CLEC16A: variants seen among roughly 807,000 people sequenced by gnomAD.
CLEC16A encodes protein CLEC16A.
Under a neutral mutation model 109.5 loss-of-function variants are expected in CLEC16A, and 51 were observed. The observed-to-expected ratio is 0.47, with a 90% CI of 0.37 to 0.59. The LOEUF (loss-of-function observed/expected upper bound fraction) is 0.59, where lower values mean the gene tolerates loss of function less well. CLEC16A is among the 20% of genes least tolerant of loss of function. CLEC16A has a pLI of 0.00. For synonymous variants in CLEC16A, 673 were observed against 564.2 expected (o/e 1.19, Z -2.73); for missense variants, 1,339 against 1,394.0 (o/e 0.96, Z 0.63).
At chr16:11,102,222 T>C (rs2050962140) in intron 19 of CLEC16A, among the ~76,000 whole-genome samples, 1 of 152,214 alleles carries the variant, frequency 6.6e-6, no homozygotes, top group Non-Finnish European at 1.5e-5. Flanking sequence ...GGTGTGGTAT[T>C]GTATTACACA....
chr16:11,062,030 C>T lies in CLEC16A; in HGVS notation c.2116+1008C>T, dbSNP rs575404999. On this transcript the variant is annotated intron_variant, in intron 19 of 23. Coordinates refer to ENST00000409790, the MANE Select transcript of CLEC16A (RefSeq NM_015226.3). ...TTAATTCTCTAAAGTCTGGGGTAGA[C>T]GTGTTATTGGCCTAGCTTGGGGCAC... Among the ~76,000 whole-genome samples the T allele has an allele frequency of 1.2e-4, 19 of 152,218 alleles. No individual in the cohort carries two copies. In the East Asian group the frequency reaches 2.7e-3, roughly 22 times the overall value.
rs1320778710 is a variant in CLEC16A, at chr16:11,174,595, G to A, written c.2807-3740G>A. Among the ~76,000 whole-genome samples, 2 of 152,228 alleles carry A rather than the reference G, an allele frequency of 1.3e-5. No homozygotes were observed. Among genetic ancestry groups the A allele is most frequent in the Admixed American group, 6.5e-5 (1 of 15,282 alleles). On this transcript the variant is annotated intron_variant, in intron 23 of 23. Transcript: ENST00000409790. The surrounding 1 kb of genome is among the most constrained non-coding windows in gnomAD (Gnocchi z 4.7). Reference sequence around the variant, plus strand: ...TGACATGTGCACCAGTGTCAGGCTCGGCCCGGGCCAGAAGCAGATGCTCCT... The same window carrying A: ...TGACATGTGCACCAGTGTCAGGCTCAGCCCGGGCCAGAAGCAGATGCTCCT...
At chr16:10,969,385 C>A in intron 4 of CLEC16A, 76 bp downstream of exon 4, 4 of 1,013,734 alleles carry the variant, frequency 3.9e-6, no homozygotes, top group South Asian at 1.6e-5. Context: ...ACGGCAGCGC[C>A]TTATATCTGG....
intron 22 of CLEC16A, among the ~76,000 whole-genome samples, chr16:11,165,448 C>T (rs2153091418): frequency 6.6e-6 from 1 of 152,156 alleles, no homozygotes; most frequent in East Asian, 1.9e-4. Flanking sequence ...GCTGAGATCA[C>T]ACCGCTGCAC....
Position 10,971,121 on chromosome 16 carries a change from T to A in CLEC16A, c.493-4T>A. On this transcript the variant is annotated splice_region_variant and splice_polypyrimidine_tract_variant and intron_variant, in intron 4 of 23. Coordinates refer to ENST00000409790, the MANE Select transcript of CLEC16A (RefSeq NM_015226.3). ...ATTTGTTTTCGTTATTTCTTTTGTT[T>A]TAGCACACCAATGACTTTGCCCTGT... The A allele has an allele frequency of 6.2e-7, 1 of 1,606,844 alleles. No individual in the cohort carries two copies. The highest frequency in any genetic ancestry group is 8.5e-7 in the Non-Finnish European group (1 of 1,173,600).
At chr16:11,021,951 A>G (rs1366726756) in intron 12 of CLEC16A, among the ~76,000 whole-genome samples, 1 of 152,140 alleles carries the variant, frequency 6.6e-6, no homozygotes, top group Non-Finnish European at 1.5e-5. Context: ...TCCCGCCACC[A>G]AAAAAAGGGT....
chr16:11,107,889 T>C (rs1210451287), intron 19 of CLEC16A, among the ~76,000 whole-genome samples: 1 of 152,230 alleles, frequency 6.6e-6, no homozygotes, highest in African/African-American at 2.4e-5. Flanking sequence ...GGGCTGTTGA[T>C]TGACCCCTCG....
At position 10,971,211 on chromosome 16, in the gene CLEC16A, A is replaced by G. The variant is rs760947013; in HGVS notation, c.579A>G (p.Ile193Met). The change falls in exon 5 of 24, where the codon ATA becomes ATG. Residue 193 changes from isoleucine (I) to methionine (M), a missense_variant. Ile to Met is a conservative substitution (Grantham distance 10). Around this residue, in one of 3 missense-constraint regions of CLEC16A, gnomAD observed 161 missense variants for 267.1 expected, o/e 0.60. Coordinates refer to ENST00000409790, the MANE Select transcript of CLEC16A (RefSeq NM_015226.3). Reference sequence around the variant, plus strand: ...TGGTTAGAATTGCTGTAAGAACCATAACTTTGAATGTCTATAAAGGTAAGT... The same window carrying G: ...TGGTTAGAATTGCTGTAAGAACCATGACTTTGAATGTCTATAAAGGTAAGT... ...ESMVRIAVRT[I>M]TLNVYKVSLD... 1.2e-5 allele frequency: 19 copies of G among 1,612,486 alleles called. No homozygotes were observed. Among genetic ancestry groups the G allele is most frequent in the Non-Finnish European group, 1.4e-5 (17 of 1,178,782 alleles).
intron 22 of CLEC16A, among the ~76,000 whole-genome samples, chr16:11,145,753 A>T (rs2054027294): frequency 1.3e-5 from 2 of 152,068 alleles, no homozygotes; most frequent in South Asian, 2.1e-4. Context: ...GTGGCTTTAA[A>T]CTCAGCCCCA....
At chr16:11,163,913 G>A (rs954644587) in intron 22 of CLEC16A, among the ~76,000 whole-genome samples, 1 of 152,108 alleles carries the variant, frequency 6.6e-6, no homozygotes, top group Non-Finnish European at 1.5e-5. Flanking sequence ...ATTCATTTTC[G>A]AGGCAAGTAA....
chr16:10,969,029 C>T (rs1383844228), intron 3 of CLEC16A, 132 bp from the exon 4 acceptor site: 55 of 655,908 alleles, frequency 8.4e-5, no homozygotes, highest in Admixed American at 2.0e-4. Flanking sequence ...AAGCTCTTCC[C>T]AGTTAGTGTG....
intron 19 of CLEC16A, among the ~76,000 whole-genome samples, chr16:11,072,275 A>G (rs2049118194): frequency 6.6e-6 from 1 of 151,614 alleles, no homozygotes; most frequent in Non-Finnish European, 1.5e-5. Context: ...ACGTGCCACC[A>G]TGCCTGCCTA....
At chr16:11,146,945 G>C (rs900052822) in intron 22 of CLEC16A, among the ~76,000 whole-genome samples, 6 of 151,848 alleles carry the variant, frequency 4.0e-5, no homozygotes, top group African/African-American at 1.4e-4. Flanking sequence ...ACCATGTTTG[G>C]TGCCCTCAGG....
chr16:11,015,396 C>T (rs2045685166), intron 11 of CLEC16A, among the ~76,000 whole-genome samples: 1 of 152,194 alleles, frequency 6.6e-6, no homozygotes, highest in African/African-American at 2.4e-5. Context: ...TTAAGAATCA[C>T]TGCACTTGTG....
intron 10 of CLEC16A, among the ~76,000 whole-genome samples, chr16:10,983,353 G>T (rs778237664): frequency 1.6e-4 from 25 of 152,376 alleles, no homozygotes; most frequent in Middle Eastern, 3.4e-3. Context: ...CAGGCCCCAG[G>T]TGAGGGCAGT....
chr16:11,021,624 C>T (rs2046103376), intron 12 of CLEC16A, among the ~76,000 whole-genome samples: 1 of 152,124 alleles, frequency 6.6e-6, no homozygotes, highest in Non-Finnish European at 1.5e-5. Flanking sequence ...TAGTGAGACC[C>T]CATCTTTACG....
Position 11,120,450 on chromosome 16 carries a change from G to A in CLEC16A, c.2117-165G>A, listed in dbSNP as rs115078034. Among the ~76,000 whole-genome samples, 296 of 152,254 alleles carry A rather than the reference G, an allele frequency of 1.9e-3. 2 individuals carry two copies. Among genetic ancestry groups the A allele is most frequent in the African/African-American group, 6.8e-3 (284 of 41,556 alleles). On this transcript the variant is annotated intron_variant, in intron 19 of 23. Coordinates refer to ENST00000409790, the MANE Select transcript of CLEC16A (RefSeq NM_015226.3). ...TCCAGAGAGGAAAAGAAACTTTCCC[G>A]GCATAACTGTCAGAGAAGGGACTCA...
intron 19 of CLEC16A, among the ~76,000 whole-genome samples, chr16:11,077,042 C>G (rs188320767): frequency 4.5e-4 from 69 of 152,336 alleles, no homozygotes; most frequent in Middle Eastern, 3.4e-3. Flanking sequence ...TCATTAGAAT[C>G]TATTTAAAAA....
At chr16:11,043,797 G>A (rs938490474) in intron 15 of CLEC16A, among the ~76,000 whole-genome samples, 2 of 151,684 alleles carry the variant, frequency 1.3e-5, no homozygotes, top group African/African-American at 2.4e-5. Context: ...CCTGGGAGGC[G>A]GAGGTTGCAC....
Sources: gnomAD v4.1 joint callset for allele counts (sites outside exome capture counted in the v4.1 genomes callset) on GRCh38, gnomAD v4.1.1 for gene constraint, gnomAD v4.1.1 regional missense constraint, Gnocchi (gnomAD v3.1) non-coding constraint, MANE v1.5 for transcripts, NCBI Gene and HGNC (gene_info 2026-07-23, HGNC 2026-07-21) for gene names.